The following MBP variants were observed in gnomAD, a reference collection of about 807,000 sequenced individuals.
The protein encoded by MBP is Golli-MBP.
MBP carries 16 observed loss-of-function variants against 35.8 expected under a neutral mutation model. That is an observed-to-expected ratio of 0.45 (90% CI 0.30 to 0.68). The LOEUF is 0.68. MBP is among the 30% of genes least tolerant of loss of function. MBP has a pLI of 0.08. For missense variants in MBP, 380 were observed against 404.7 expected (o/e 0.94, Z 0.52); for synonymous variants, 143 against 159.6 (o/e 0.90, Z 0.78).
chr18:76,979,292 CTT>C lies in MBP; in HGVS notation c.*1133_*1134del, dbSNP rs1969052782. 1 of 151,558 alleles carries C rather than the reference CTT, an allele frequency of 6.6e-6. No individual in the cohort carries two copies. The highest frequency in any genetic ancestry group is 1.5e-5 in the Non-Finnish European group (1 of 68,046). The allele number at this position is 151,558 out of a possible 1,614,324, so 9.4% of individuals were successfully genotyped here. The stretch of plus-strand genomic sequence containing the variant: ...TAAGAAGGATATGGTCAGAAGAGCT[CTT>C]TGTCTCCATCCACGGGGCCGTCTGC... On this transcript the variant is annotated 3_prime_UTR_variant, in exon 9 of 9. Transcript: ENST00000355994.
chr18:77,023,697 T>A (rs1404036622), intron 3 of MBP, among the ~76,000 whole-genome samples: 1 of 152,208 alleles, frequency 6.6e-6, no homozygotes, highest in Admixed American at 6.5e-5. Context: ...TGCAGGCCCT[T>A]GACCTCTGTG....
At chr18:77,015,832 C>T (rs2123455683) in intron 4 of MBP, 2 of 985,466 alleles carry the variant, frequency 2.0e-6, no homozygotes, top group Non-Finnish European at 2.4e-6. Flanking sequence ...ATGAGGCGCT[C>T]TGTTCCACAC....
intron 3 of MBP, among the ~76,000 whole-genome samples, chr18:77,027,061 C>T (rs1972252002): frequency 6.6e-6 from 1 of 152,132 alleles, no homozygotes; most frequent in Non-Finnish European, 1.5e-5. Context: ...TATGTATTTG[C>T]ATCGTTCCCA....
At position 77,044,662 on chromosome 18, in the gene MBP, G is replaced by A. The variant is rs1012753609; in HGVS notation, c.139+21636C>T. Among the ~76,000 whole-genome samples the A allele has an allele frequency of 1.3e-5, 2 of 152,132 alleles. No individual in the cohort carries two copies. The highest frequency in any genetic ancestry group is 6.6e-5 in the Admixed American group (1 of 15,266). ...GTGGTGCTGAGCCCCTCACACACAC[G>A]AGGGGCCCCGGAATCACCTGCCACG... On this transcript the variant is annotated intron_variant, in intron 3 of 8. Transcript: ENST00000355994. This position sits in a 1 kb window ranked among gnomAD's most constrained non-coding sequence, Gnocchi z 4.4.
intron 1 of MBP, among the ~76,000 whole-genome samples, chr18:77,129,227 C>A (rs1977158557): frequency 6.6e-6 from 1 of 152,224 alleles, no homozygotes; most frequent in African/African-American, 2.4e-5. Flanking sequence ...GTGACTCAGA[C>A]CAACGCAGTG....
chr18:77,000,698 GGTT>G (rs761294910), intron 4 of MBP, among the ~76,000 whole-genome samples: 31 of 152,170 alleles, frequency 2.0e-4, no homozygotes, highest in Non-Finnish European at 4.4e-4. Context: ...TCAGGAAGAG[GGTT>G]GTTGTTGTTT....
intron 4 of MBP, among the ~76,000 whole-genome samples, chr18:76,998,280 G>GGT (rs1286989501): frequency 2.0e-5 from 3 of 152,198 alleles, no homozygotes; most frequent in Admixed American, 2.0e-4. Flanking sequence ...CGGACGGCTT[G>GGT]GTGCACTTAC....
chr18:77,053,274 G>A (rs1349459909), intron 3 of MBP, among the ~76,000 whole-genome samples: 1 of 152,188 alleles, frequency 6.6e-6, no homozygotes, highest in Non-Finnish European at 1.5e-5. Flanking sequence ...GGAGGGGTGG[G>A]CAGGGGCCCC....
At chr18:76,999,461 A>ATTT (rs113779985) in intron 4 of MBP, among the ~76,000 whole-genome samples, 4,580 of 144,490 alleles carry the variant, frequency 0.032, 82 homozygotes, top group Middle Eastern at 0.077. Context: ...TAGTTTAGGT[A>ATTT]TTTTTTTTTT....
intron 1 of MBP, among the ~76,000 whole-genome samples, chr18:77,123,785 T>C (rs1976958887): frequency 6.6e-6 from 1 of 152,216 alleles, no homozygotes; most frequent in Admixed American, 6.5e-5. Context: ...ACCAAGGCAA[T>C]TCTGTCCCTG....
intron 3 of MBP, among the ~76,000 whole-genome samples, chr18:77,057,376 T>C (rs1287127367): frequency 6.6e-6 from 1 of 152,190 alleles, no homozygotes; most frequent in Non-Finnish European, 1.5e-5. Flanking sequence ...TGTGATTTTG[T>C]TTCTATGATT....
chr18:77,029,748 T>C (rs753193503), intron 3 of MBP, among the ~76,000 whole-genome samples: 1 of 151,916 alleles, frequency 6.6e-6, no homozygotes, highest in Non-Finnish European at 1.5e-5. Context: ...TTGGTTAGTT[T>C]TGAGTGTTCT....
At chr18:77,083,133 T>G (rs1975044021) in intron 2 of MBP, among the ~76,000 whole-genome samples, 2 of 152,056 alleles carry the variant, frequency 1.3e-5, no homozygotes, top group South Asian at 2.1e-4. Flanking sequence ...GCTAAGATTT[T>G]TTTTCCTATT....
chr18:76,988,100 G>T lies in MBP; in HGVS notation c.750+395C>A. 6.7e-7 allele frequency: 1 copy of T among 1,500,624 alleles called. No individual in the cohort carries two copies. Among genetic ancestry groups the T allele is most frequent in the South Asian group, 1.3e-5 (1 of 79,404 alleles). The allele number at this position is 1,500,624 out of a possible 1,614,324, so 93.0% of individuals were successfully genotyped here. ...TGTCAGCATCTGGGGTCACTGAGAC[G>T]GGCCAGCCAGTCCCACTTCCACATG... On this transcript the variant is annotated intron_variant, in intron 7 of 8. Transcript: ENST00000355994. This position sits in a 1 kb window ranked among gnomAD's most constrained non-coding sequence, Gnocchi z 5.2.
rs552597214 is a variant in MBP, at chr18:77,099,835, C to A, written c.51+5376G>T. 4.6e-5 allele frequency among the ~76,000 whole-genome samples: 7 copies of A among 152,338 alleles called. No individual in the cohort carries two copies. In the South Asian group the frequency reaches 8.3e-4, roughly 18 times the overall value. On this transcript the variant is annotated intron_variant, in intron 2 of 8. Transcript: ENST00000355994. The stretch of plus-strand genomic sequence containing the variant: ...TGTGGCAGGAGGCAGGAAGAAGGAA[C>A]CTTGCACAGGAAGGGCCCAACCAGG...
intron 3 of MBP, among the ~76,000 whole-genome samples, chr18:77,054,678 A>T (rs568926298): frequency 3.0e-4 from 46 of 152,218 alleles, no homozygotes; most frequent in Non-Finnish European, 5.1e-4. Flanking sequence ...ACATAGAAAT[A>T]GTGCTCCTCA....
intron 1 of MBP, among the ~76,000 whole-genome samples, chr18:77,123,491 G>A (rs1447728300): frequency 6.6e-6 from 1 of 152,210 alleles, no homozygotes; most frequent in Non-Finnish European, 1.5e-5. Context: ...CAGATGAGCT[G>A]TGTCGACCTG....
intron 2 of MBP, among the ~76,000 whole-genome samples, chr18:77,103,391 C>T (rs1481858154): frequency 1.3e-5 from 2 of 152,188 alleles, no homozygotes; most frequent in African/African-American, 2.4e-5. Flanking sequence ...AGCAGCCGGA[C>T]ATTCTAGTGC....
intron 1 of MBP, among the ~76,000 whole-genome samples, chr18:77,124,618 A>G (rs766582504): frequency 6.6e-6 from 1 of 152,202 alleles, no homozygotes; most frequent in Non-Finnish European, 1.5e-5. Flanking sequence ...GGAAAGGAGC[A>G]AAGTCTCCCT....
Sources: allele counts gnomAD v4.1 joint callset (sites outside exome capture counted in the v4.1 genomes callset), GRCh38; gene constraint gnomAD v4.1.1; non-coding constraint Gnocchi (gnomAD v3.1); transcripts MANE v1.5; gene names NCBI Gene and HGNC (gene_info 2026-07-23, HGNC 2026-07-21).